MET: variants seen among roughly 807,000 people sequenced by gnomAD.
MET encodes MET proto-oncogene, receptor tyrosine kinase, also known as hepatocyte growth factor receptor.
In MET, 48 loss-of-function variants were observed where a neutral mutation model predicts 133.1. The observed-to-expected ratio is 0.36, with a 90% CI of 0.29 to 0.46. The LOEUF is 0.46. MET is among the 20% of genes least tolerant of loss of function. The pLI, the probability that MET is intolerant of heterozygous loss-of-function variation, is 1.00. For synonymous variants in MET, 628 were observed against 616.5 expected (o/e 1.02, Z -0.28); for missense variants, 1,442 against 1,695.9 (o/e 0.85, Z 2.63).
intron 14 of MET, among the ~76,000 whole-genome samples, chr7:116,774,416 T>C (rs1022439911): frequency 6.6e-6 from 1 of 152,256 alleles, no homozygotes; most frequent in Non-Finnish European, 1.5e-5. Flanking sequence ...TTTCTAATCA[T>C]ATGTGTATTT....
rs756036364 is a variant in MET at position 116,791,318 on chromosome 7, C to T, written c.3799-4337C>T. On this transcript the variant is annotated intron_variant, in intron 19 of 20. Coordinates refer to ENST00000397752, the MANE Select transcript of MET (RefSeq NM_000245.4). ...CTGTATCATTTTATGTCCCCACCAGCGATCCATAAGAGTTCCAGTTGTTCA... is the reference window on the plus strand; with the variant it reads ...CTGTATCATTTTATGTCCCCACCAGTGATCCATAAGAGTTCCAGTTGTTCA... Among the ~76,000 whole-genome samples the T allele has an allele frequency of 3.9e-4, 59 of 152,252 alleles. 1 individual carries two copies. The highest frequency in any genetic ancestry group is 6.5e-4 in the Non-Finnish European group (44 of 68,022).
intron 10 of MET, among the ~76,000 whole-genome samples, chr7:116,760,982 G>T (rs60649413): frequency 0.03 from 4,496 of 152,168 alleles, 226 homozygotes; most frequent in African/African-American, 0.1. Flanking sequence ...ACCCTCTTTG[G>T]TGTTGGTATG....
intron 19 of MET, among the ~76,000 whole-genome samples, chr7:116,788,523 T>C (rs996807036): frequency 2.0e-5 from 3 of 152,276 alleles, no homozygotes; most frequent in African/African-American, 7.2e-5. Flanking sequence ...GCTTCCACCA[T>C]AGCCACAGTC....
At chr7:116,731,286 C>T (rs1433787524) in intron 2 of MET, among the ~76,000 whole-genome samples, 1 of 152,170 alleles carries the variant, frequency 6.6e-6, no homozygotes, top group Admixed American at 6.5e-5. Flanking sequence ...CAGAACATGC[C>T]TCTAACATTT....
intron 2 of MET, among the ~76,000 whole-genome samples, chr7:116,711,762 C>A (rs1275314985): frequency 6.6e-6 from 1 of 151,952 alleles, no homozygotes; most frequent in Non-Finnish European, 1.5e-5. Flanking sequence ...TAAGAGCAAA[C>A]CTATTTGTAT....
intron 19 of MET, among the ~76,000 whole-genome samples, chr7:116,784,158 G>C (rs1430294176): frequency 6.6e-6 from 1 of 152,198 alleles, no homozygotes; most frequent in South Asian, 2.1e-4. Flanking sequence ...ATAAGCACCT[G>C]TAAAGTTATA....
chr7:116,672,412 C>A lies in MET; in HGVS notation c.-180C>A, dbSNP rs886061938. The A allele has an allele frequency of 5.1e-6, 2 of 390,404 alleles. No individual in the cohort carries two copies. The allele number at this position is 390,404 out of a possible 1,614,324, so 24.2% of individuals were successfully genotyped here. A position where few individuals can be genotyped will look rare whatever the true frequency, so the allele number is the denominator to read the frequency against. On this transcript the variant is annotated 5_prime_UTR_variant, in exon 1 of 21. Coordinates refer to ENST00000397752, the MANE Select transcript of MET (RefSeq NM_000245.4). ...GCCGCAGGTGACCCGGAGGCCCTCG[C>A]CGCCCGCGGCGCCCCGAGCGCTTTG...
chr7:116,731,750 A>G lies in MET; in HGVS notation c.1283A>G (p.Asp428Gly). The G allele has an allele frequency of 1.2e-6, 2 of 1,614,126 alleles. No individual in the cohort carries two copies. The highest frequency in any genetic ancestry group is 1.7e-6 in the Non-Finnish European group (2 of 1,179,996). ...TEFTTALQRV[D>G]LFMGQFSEVL... ...TTTACCACAGCTTTGCAGCGCGTTG[A>G]CTTATTCATGGGTCAATTCAGCGAA... Residue 428 changes from aspartate to glycine, a missense_variant, in exon 3 of 21, where the codon GAC (aspartate) becomes GGC (glycine). Coordinates refer to ENST00000397752, the MANE Select transcript of MET (RefSeq NM_000245.4).
intron 2 of MET, among the ~76,000 whole-genome samples, chr7:116,719,984 G>A (rs1042328620): frequency 2.0e-5 from 3 of 149,712 alleles, no homozygotes; most frequent in African/African-American, 4.9e-5. Flanking sequence ...CTCTTTTTTG[G>A]TTCCATATGA....
chr7:116,711,384 C>T (rs1297054056), intron 2 of MET, among the ~76,000 whole-genome samples: 1 of 152,188 alleles, frequency 6.6e-6, no homozygotes, highest in Non-Finnish European at 1.5e-5. Context: ...AGCACTCTAT[C>T]CAGTTGCTGG....
chr7:116,745,727 A>G (rs1793647549), intron 5 of MET, among the ~76,000 whole-genome samples: 2 of 152,366 alleles, frequency 1.3e-5, no homozygotes, highest in Admixed American at 1.3e-4. Context: ...GGCTAGCCAT[A>G]TGGAGAAAGC....
chr7:116,702,224 G>A (rs991329093), intron 2 of MET, among the ~76,000 whole-genome samples: 2 of 152,042 alleles, frequency 1.3e-5, no homozygotes, highest in South Asian at 2.1e-4. Flanking sequence ...AAATTCTTGC[G>A]GGAAACAAGA....
In MET at chr7:116,672,385, C is replaced by G. The variant is rs1858830; in HGVS notation, c.-207C>G. On this transcript the variant is annotated 5_prime_UTR_variant, in exon 1 of 21. Transcript: ENST00000397752. Reference sequence around the variant, plus strand: ...GGCGGGCGGGGCGCTGGGCTCAGCCCGGCCGCAGGTGACCCGGAGGCCCTC... The same window carrying G: ...GGCGGGCGGGGCGCTGGGCTCAGCCGGGCCGCAGGTGACCCGGAGGCCCTC... 0.44 allele frequency: 163,573 copies of G among 371,524 alleles called. 37,707 individuals are homozygous for G. The highest frequency in any genetic ancestry group is 0.63 in the East Asian group (16,116 of 25,602). 23.0% of individuals were successfully genotyped at this position (371,524 alleles called of 1,614,324 possible).
intron 17 of MET, among the ~76,000 whole-genome samples, chr7:116,780,999 C>T (rs1795139106): frequency 6.6e-6 from 1 of 152,196 alleles, no homozygotes; most frequent in South Asian, 2.1e-4. Flanking sequence ...TCAAAGCATA[C>T]CTGTCATGTG....
intron 8 of MET, 108 bp downstream of exon 8, chr7:116,757,882 T>C (rs1453811189): frequency 8.0e-7 from 1 of 1,248,664 alleles, no homozygotes; most frequent in South Asian, 1.3e-5. Flanking sequence ...AAAATCAAGA[T>C]GTTTATTTGT....
intron 2 of MET, among the ~76,000 whole-genome samples, chr7:116,716,968 T>C (rs545809899): frequency 6.6e-6 from 1 of 152,292 alleles, no homozygotes; most frequent in African/African-American, 2.4e-5. Context: ...CCCCCCCAGC[T>C]TTGCTCCCTT....
intron 5 of MET, among the ~76,000 whole-genome samples, chr7:116,749,394 G>A (rs895450021): frequency 6.6e-6 from 1 of 152,130 alleles, no homozygotes; most frequent in Non-Finnish European, 1.5e-5. Context: ...AAAGGCCTTC[G>A]ATAAAATTCA....
rs531680031 is a variant in MET, at chr7:116,703,362, A to G, written c.1200+3078A>G. 4.6e-5 allele frequency among the ~76,000 whole-genome samples: 7 copies of G among 152,298 alleles called. No individual in the cohort carries two copies. In the East Asian group the frequency reaches 1.2e-3, roughly 25 times the overall value. ...CACAAATAATTACTAAATCTGTTTA[A>G]TATCTTTACCTCCTCCTTTACCCAT... On this transcript the variant is annotated intron_variant, in intron 2 of 20. Transcript: ENST00000397752.
At position 116,796,491 on chromosome 7, in the gene MET, A is replaced by G; in HGVS notation, c.*367A>G. ...TCACAGAAAACTCAGAAGAGATAGT[A>G]ATGCTCAGGACAGGAGCGGCAGCCC... On this transcript the variant is annotated 3_prime_UTR_variant, in exon 21 of 21. Transcript: ENST00000397752. 7.1e-6 allele frequency: 3 copies of G among 422,288 alleles called. No homozygotes were observed. Among genetic ancestry groups the G allele is most frequent in the Non-Finnish European group, 1.3e-5 (3 of 227,978 alleles). The allele number at this position is 422,288 out of a possible 1,614,324, so 26.2% of individuals were successfully genotyped here.
Sources: allele counts gnomAD v4.1 joint callset (sites outside exome capture counted in the v4.1 genomes callset), GRCh38; gene constraint gnomAD v4.1.1; transcripts MANE v1.5; gene names NCBI Gene and HGNC (gene_info 2026-07-23, HGNC 2026-07-21).